The following AGFG1 variants were observed in gnomAD, a reference collection of about 807,000 sequenced individuals.
AGFG1 encodes the protein arf-GAP domain and FG repeat-containing protein 1.
In AGFG1, 10 loss-of-function variants were observed where a neutral mutation model predicts 60.6. The ratio of observed to expected loss-of-function variants is 0.16; its 90% CI spans 0.10 to 0.28. The LOEUF is 0.28. AGFG1 is among the 10% of genes least tolerant of loss of function. The probability of loss-of-function intolerance (pLI) is 1.00; values close to 1 mark genes in which losing one functional copy is unlikely to be tolerated. For synonymous variants in AGFG1, 247 were observed against 242.9 expected (o/e 1.02, Z -0.16); for missense variants, 537 against 676.5 (o/e 0.79, Z 2.29).
intron 2 of AGFG1, among the ~76,000 whole-genome samples, chr2:227,514,165 C>T (rs978485371): frequency 6.6e-6 from 1 of 152,200 alleles, no homozygotes; most frequent in Admixed American, 6.5e-5. Flanking sequence ...TAGCCCATCA[C>T]TGCAAACCAC....
Position 227,479,841 on chromosome 2 carries a change from A to T in AGFG1, c.167+7253A>T, listed in dbSNP as rs144403963. 2.5e-3 allele frequency among the ~76,000 whole-genome samples: 377 copies of T among 152,362 alleles called. 2 individuals are homozygous for T. Among genetic ancestry groups the T allele is most frequent in the African/African-American group, 8.5e-3 (352 of 41,590 alleles). On this transcript the variant is annotated intron_variant, in intron 1 of 12. Coordinates refer to ENST00000310078, the MANE Select transcript of AGFG1 (RefSeq NM_004504.5). ...AACCTTACACACGAGAACTATTGCTAAAGACACCTGATTGAACATTAGAAT... is the reference window on the plus strand; with the variant it reads ...AACCTTACACACGAGAACTATTGCTTAAGACACCTGATTGAACATTAGAAT...
At chr2:227,487,314 A>T (rs886219163) in intron 1 of AGFG1, among the ~76,000 whole-genome samples, 6 of 152,126 alleles carry the variant, frequency 3.9e-5, no homozygotes, top group African/African-American at 1.4e-4. Flanking sequence ...GAAAATTATG[A>T]ATAGAAAAAA....
At chr2:227,510,263 T>TGCACACGCACACAC (rs1691456894) in intron 2 of AGFG1, among the ~76,000 whole-genome samples, 1 of 151,886 alleles carries the variant, frequency 6.6e-6, no homozygotes, top group African/African-American at 2.4e-5. Flanking sequence ...CACACACACA[T>TGCACACGCACACAC]GCACACGCAC....
Position 227,472,368 on chromosome 2 carries a change from C to A in AGFG1, c.-54C>A. On this transcript the variant is annotated 5_prime_UTR_variant, in exon 1 of 13. Coordinates refer to ENST00000310078, the MANE Select transcript of AGFG1 (RefSeq NM_004504.5). ...GGCCCGTGGGACCGCGGGCCCCCGG[C>A]GCAGCGCTGCCCGGCTCCCGGCCCT... The A allele has an allele frequency of 8.9e-7, 1 of 1,122,788 alleles. No homozygotes were observed. Among genetic ancestry groups the A allele is most frequent in the Non-Finnish European group, 1.1e-6 (1 of 908,042 alleles). The allele number at this position is 1,122,788 out of a possible 1,614,324, so 69.6% of individuals were successfully genotyped here.
intron 12 of AGFG1, 102 bp from the exon 13 acceptor site, chr2:227,554,334 C>A: frequency 3.1e-6 from 3 of 969,962 alleles, no homozygotes; most frequent in South Asian, 1.7e-5. Flanking sequence ...AATTCTTAAC[C>A]AAAAAGTCTA....
At chr2:227,536,516 A>G (rs1692318220) in intron 8 of AGFG1, 109 bp from the exon 9 acceptor site, 1 of 792,490 alleles carries the variant, frequency 1.3e-6, no homozygotes, top group African/African-American at 1.7e-5. Flanking sequence ...TTGTGTTGAT[A>G]CTGATGCTGT....
Position 227,552,744 on chromosome 2 carries a change from G to A in AGFG1, c.1537+627G>A, listed in dbSNP as rs554231125. 3.3e-5 allele frequency among the ~76,000 whole-genome samples: 5 copies of A among 150,042 alleles called. No individual in the cohort carries two copies. The South Asian group carries it at 1.0e-3, about 31-fold the overall frequency. ...GGGCTGGGCGTGGTGGCTTACGCCT[G>A]TAATCCCAGCACTTTGGGAGGCTGA... On this transcript the variant is annotated intron_variant, in intron 11 of 12. Coordinates refer to ENST00000310078, the MANE Select transcript of AGFG1 (RefSeq NM_004504.5).
rs138200323 is a variant in AGFG1, at chr2:227,524,699, G to A, written c.541-63G>A. 3,280 of 1,561,428 alleles carry A rather than the reference G, an allele frequency of 2.1e-3. 6 individuals are homozygous for A. Among genetic ancestry groups the A allele is most frequent in the Middle Eastern group, 4.4e-3 (26 of 5,892 alleles). On this transcript the variant is annotated intron_variant, in intron 4 of 12. Coordinates refer to ENST00000310078, the MANE Select transcript of AGFG1 (RefSeq NM_004504.5). Reference sequence around the variant, plus strand: ...TAAGTGTGTTTTAAGTTTGCAGATAGTTTTGTATAAAGATTTTGCAGATCC... The same window carrying A: ...TAAGTGTGTTTTAAGTTTGCAGATAATTTTGTATAAAGATTTTGCAGATCC...
At chr2:227,484,430 A>G (rs535530364) in intron 1 of AGFG1, among the ~76,000 whole-genome samples, 46 of 151,976 alleles carry the variant, frequency 3.0e-4, no homozygotes, top group African/African-American at 7.7e-4. Flanking sequence ...CAAGTGATCC[A>G]CCCGCCTGCT....
intron 2 of AGFG1, among the ~76,000 whole-genome samples, chr2:227,519,699 A>G (rs1691771137): frequency 6.8e-6 from 1 of 147,994 alleles, no homozygotes; most frequent in Non-Finnish European, 1.5e-5. Context: ...GACTGAAAAG[A>G]CCCCAGGTCC....
intron 1 of AGFG1, 106 bp from the exon 2 acceptor site, chr2:227,491,441 C>A: frequency 1.5e-6 from 1 of 655,008 alleles, no homozygotes; most frequent in Non-Finnish European, 2.6e-6. Flanking sequence ...AATGAAAACA[C>A]TGTTTCAAGT....
rs1693010905 is a variant in AGFG1 at position 227,557,567 on chromosome 2, T to C, written c.*3072T>C. 6.8e-6 allele frequency: 1 copy of C among 147,662 alleles called. No homozygotes were observed. 9.1% of individuals were successfully genotyped at this position (147,662 alleles called of 1,614,324 possible). On this transcript the variant is annotated 3_prime_UTR_variant, in exon 13 of 13. Transcript: ENST00000310078. ...CTCTGAGAATTTATTGTATTAAAAT[T>C]AATACTGAGATATTTTTAAAACATG...
intron 1 of AGFG1, among the ~76,000 whole-genome samples, chr2:227,475,550 A>G (rs1690256471): frequency 6.6e-6 from 1 of 152,248 alleles, no homozygotes; most frequent in Admixed American, 6.5e-5. Context: ...TTTAGGAAGA[A>G]TAATATAACT....
Position 227,509,617 on chromosome 2 carries a change from CAA to C in AGFG1, c.262-10330_262-10329del, listed in dbSNP as rs376615579. ...GGTTCATTAAAAAAATTATTTTTCT[CAA>C]GAGAATGATAAAGCAAATGTTACCG... On this transcript the variant is annotated intron_variant, in intron 2 of 12. Coordinates refer to ENST00000310078, the MANE Select transcript of AGFG1 (RefSeq NM_004504.5). Among the ~76,000 whole-genome samples the C allele has an allele frequency of 1.3e-3, 193 of 152,084 alleles. 1 individual carries two copies. In the East Asian group the frequency reaches 0.022, roughly 18 times the overall value.
chr2:227,508,744 A>T, intron 2 of AGFG1: 1 of 417,918 alleles, frequency 2.4e-6, no homozygotes, highest in Non-Finnish European at 4.7e-6. Context: ...AAGAACAGAA[A>T]AGTAAAACTA....
intron 5 of AGFG1, among the ~76,000 whole-genome samples, chr2:227,529,763 C>T (rs1262030625): frequency 6.6e-6 from 1 of 151,972 alleles, no homozygotes; most frequent in Non-Finnish European, 1.5e-5. Flanking sequence ...CCTTGCAACT[C>T]AGGTAACACA....
chr2:227,538,194 G>A (rs1186297314), intron 10 of AGFG1, among the ~76,000 whole-genome samples: 1 of 152,104 alleles, frequency 6.6e-6, no homozygotes, highest in African/African-American at 2.4e-5. Context: ...TGATACAATG[G>A]GTTTTTGTAC....
Position 227,477,046 on chromosome 2 carries a change from C to T in AGFG1, c.167+4458C>T, listed in dbSNP as rs564732427. On this transcript the variant is annotated intron_variant, in intron 1 of 12. Transcript: ENST00000310078. ...CCTCCCAAGTAGCTGGGATTACAGGCGCCCGCCACCATGCCCGGCTAGTTT... is the reference window on the plus strand; with the variant it reads ...CCTCCCAAGTAGCTGGGATTACAGGTGCCCGCCACCATGCCCGGCTAGTTT... Among the ~76,000 whole-genome samples the T allele has an allele frequency of 7.6e-4, 116 of 152,048 alleles. 1 individual carries two copies. Among genetic ancestry groups the T allele is most frequent in the African/African-American group, 2.3e-3 (94 of 41,464 alleles).
chr2:227,533,923 C>T (rs1692232154), intron 7 of AGFG1, among the ~76,000 whole-genome samples, 165 bp downstream of exon 7: 1 of 151,974 alleles, frequency 6.6e-6, no homozygotes, highest in African/African-American at 2.4e-5. Flanking sequence ...CATTTTAGAC[C>T]TGAAATATCA....
Sources: allele counts gnomAD v4.1 joint callset (sites outside exome capture counted in the v4.1 genomes callset), GRCh38; gene constraint gnomAD v4.1.1; transcripts MANE v1.5; gene names NCBI Gene and HGNC (gene_info 2026-07-23, HGNC 2026-07-21).